The following C9orf153 variants were observed in gnomAD, a reference collection of about 807,000 sequenced individuals.
C9orf153 encodes chromosome 9 open reading frame 153, also known as uncharacterized protein C9orf153.
In C9orf153, 10 loss-of-function variants were observed where a neutral mutation model predicts 9.0. That is an observed-to-expected ratio of 1.11 (90% confidence interval 0.69 to 1.89). C9orf153 has a LOEUF of 1.89. Ranked by LOEUF, C9orf153 falls within the 40% of genes most tolerant of loss-of-function variation. The pLI is 0.00. For synonymous variants in C9orf153, 35 were observed against 37.3 expected, an observed-to-expected ratio of 0.94 and a Z score of 0.23; for missense variants, 108 against 111.0, an observed-to-expected ratio of 0.97 and a Z score of 0.12.
intron 1 of C9orf153, among the ~76,000 whole-genome samples, chr9:86,238,820 T>C (rs1824661903): frequency 6.6e-6 from 1 of 151,972 alleles, no homozygotes; most frequent in African/African-American, 2.4e-5. Context: ...AAATATCCAA[T>C]GATGAGCTCA....
chr9:86,248,690 G>A (rs1824924793), intron 1 of C9orf153, among the ~76,000 whole-genome samples: 1 of 152,078 alleles, frequency 6.6e-6, no homozygotes, highest in South Asian at 2.1e-4. Flanking sequence ...CACTCCCCCA[G>A]TTGGGTGACC....
At chr9:86,252,667 T>G (rs1214168111) in intron 1 of C9orf153, among the ~76,000 whole-genome samples, 1 of 152,218 alleles carries the variant, frequency 6.6e-6, no homozygotes, top group Non-Finnish European at 1.5e-5. Flanking sequence ...GTGTTTAACA[T>G]TTTTTAGTTA....
At chr9:86,257,938 G>C (rs975608745) in intron 1 of C9orf153, among the ~76,000 whole-genome samples, 1 of 152,190 alleles carries the variant, frequency 6.6e-6, no homozygotes, top group Non-Finnish European at 1.5e-5. Context: ...TAACGTGGAG[G>C]GGGAGAGAGC....
Position 86,227,949 on chromosome 9 carries a change from G to A in C9orf153, c.148C>T (p.Leu50Phe), listed in dbSNP as rs1824376836. ...SNLLKMHGIS[L>F]NEAQEVLARN... ...GCAAGTACTTCCTGTGCTTCGTTAAGTGAAATACCATGCATTTTTAGAAGA... is the reference window on the plus strand; with the variant it reads ...GCAAGTACTTCCTGTGCTTCGTTAAATGAAATACCATGCATTTTTAGAAGA... Residue 50 changes from leucine (L) to phenylalanine (F), a missense_variant, in exon 3 of 4, where the codon CTT becomes TTT. By Grantham distance (22) the Leu-to-Phe change is conservative. Coordinates refer to ENST00000339137, the MANE Select transcript of C9orf153 (RefSeq NM_001276366.4). The A allele has an allele frequency of 6.2e-7, 1 of 1,613,588 alleles. No homozygotes were observed. The highest frequency in any genetic ancestry group is 1.7e-5 in the Admixed American group (1 of 59,972).
At chr9:86,225,374 CCTT>C (rs933491080) in intron 3 of C9orf153, among the ~76,000 whole-genome samples, 6 of 150,046 alleles carry the variant, frequency 4.0e-5, no homozygotes, top group African/African-American at 1.5e-4. Flanking sequence ...TTCTTTCTTT[CCTT>C]CTTTCTTTCG....
At chr9:86,256,612 A>C (rs1825128003) in intron 1 of C9orf153, among the ~76,000 whole-genome samples, 1 of 152,224 alleles carries the variant, frequency 6.6e-6, no homozygotes, top group Non-Finnish European at 1.5e-5. Context: ...CATTTGGGAA[A>C]GGAAAGTAGC....
At chr9:86,235,741 CAAAAAAAAAAA>C (rs60165641) in intron 1 of C9orf153, among the ~76,000 whole-genome samples, 15 of 22,050 alleles carry the variant, frequency 6.8e-4, no homozygotes, top group South Asian at 3.8e-3. Context: ...GACTCCATCT[CAAAAAAAAAAA>C]AAAAAAAAAA....
chr9:86,246,540 G>C (rs1009029013), intron 1 of C9orf153, among the ~76,000 whole-genome samples: 2 of 152,060 alleles, frequency 1.3e-5, no homozygotes, highest in Non-Finnish European at 2.9e-5. Flanking sequence ...CAGCCAAACT[G>C]GACTCGTGGA....
In C9orf153 at chr9:86,244,095, T is replaced by C. The variant is rs1824810693; in HGVS notation, c.-26-14466A>G. Among the ~76,000 whole-genome samples, 3 of 152,372 alleles carry C rather than the reference T, an allele frequency of 2.0e-5. No homozygotes were observed. The East Asian group carries it at 5.8e-4, about 29-fold the overall frequency. ...GCAGTGTGAGTAGTCCAAATTGAGA[T>C]GTGCTGAAGTATGAAAACAGAATGA... On this transcript the variant is annotated intron_variant, in intron 1 of 3. Transcript: ENST00000339137.
At chr9:86,242,718 G>C (rs1056078939) in intron 1 of C9orf153, among the ~76,000 whole-genome samples, 2 of 152,094 alleles carry the variant, frequency 1.3e-5, no homozygotes, top group Non-Finnish European at 2.9e-5. Flanking sequence ...TCACTCTGTC[G>C]CCCAGGCTGG....
At chr9:86,252,261 T>G (rs1432963980) in intron 1 of C9orf153, among the ~76,000 whole-genome samples, 1 of 152,200 alleles carries the variant, frequency 6.6e-6, no homozygotes, top group Non-Finnish European at 1.5e-5. Flanking sequence ...CTCAAACTCC[T>G]GACCTCAAAT....
intron 3 of C9orf153, among the ~76,000 whole-genome samples, chr9:86,224,281 A>G (rs970599994): frequency 6.6e-6 from 1 of 152,070 alleles, no homozygotes; most frequent in South Asian, 2.1e-4. Context: ...CAGCTACTTG[A>G]GAGGCTGAGA....
At chr9:86,228,961 C>A (rs2131177531) in intron 2 of C9orf153, 2 of 274,308 alleles carry the variant, frequency 7.3e-6, no homozygotes, top group South Asian at 6.0e-5. Flanking sequence ...TGGATGCATT[C>A]TCAGTTACGC....
At chr9:86,246,574 T>C (rs574074253) in intron 1 of C9orf153, among the ~76,000 whole-genome samples, 1 of 152,218 alleles carries the variant, frequency 6.6e-6, no homozygotes, top group Admixed American at 6.5e-5. Context: ...TAATTTTTTT[T>C]AAATCTCATT....
intron 1 of C9orf153, chr9:86,258,390 A>G (rs973341892): frequency 6.6e-6 from 1 of 152,106 alleles, no homozygotes; most frequent in Non-Finnish European, 1.5e-5. Flanking sequence ...TAGAGGATGA[A>G]ACTCTTAATC....
chr9:86,255,338 G>T (rs1388201365), intron 1 of C9orf153, among the ~76,000 whole-genome samples: 1 of 152,150 alleles, frequency 6.6e-6, no homozygotes, highest in Non-Finnish European at 1.5e-5. Context: ...TGTTCAGAGA[G>T]CCAGCAAACA....
chr9:86,233,359 T>C (rs977106846), intron 1 of C9orf153, among the ~76,000 whole-genome samples: 16 of 152,238 alleles, frequency 1.1e-4, no homozygotes, highest in Admixed American at 6.5e-5. Flanking sequence ...AATTGAATTC[T>C]TAAAAACAAT....
At chr9:86,237,942 G>T (rs1022252798) in intron 1 of C9orf153, among the ~76,000 whole-genome samples, 1 of 152,084 alleles carries the variant, frequency 6.6e-6, no homozygotes, top group Non-Finnish European at 1.5e-5. Flanking sequence ...TTAGCCAGGT[G>T]TGGTGGCAGG....
chr9:86,237,415 A>AC (rs1233814690), intron 1 of C9orf153, among the ~76,000 whole-genome samples: 1 of 151,886 alleles, frequency 6.6e-6, no homozygotes, highest in African/African-American at 2.4e-5. Flanking sequence ...CAAAAAGAAG[A>AC]CCCAATTAAT....
Sources: allele counts gnomAD v4.1 joint callset (sites outside exome capture counted in the v4.1 genomes callset), GRCh38; gene constraint gnomAD v4.1.1; transcripts MANE v1.5; gene names NCBI Gene and HGNC (gene_info 2026-07-23, HGNC 2026-07-21).